Variants in CLEC2A observed in about 807,000 individuals in gnomAD.
CLEC2A encodes keratinocyte-associated C-type lectin.
CLEC2A carries 19 observed loss-of-function variants against 18.6 expected under a neutral mutation model. The ratio of observed to expected loss-of-function variants is 1.02; its 90% CI spans 0.71 to 1.50. The LOEUF is 1.50. CLEC2A is among the 40% of genes most tolerant of loss of function. The pLI is 0.00. For missense variants in CLEC2A, 190 were observed against 207.9 expected (o/e 0.91, Z 0.53); for synonymous variants, 74 against 64.0 (o/e 1.16, Z -0.75).
the CLEC2A span, chr12:9,888,803 T>C: frequency 4.0e-5 from 57 of 1,419,074 alleles, 1 homozygote; most frequent in East Asian, 1.4e-3. Flanking sequence ...TTGTTTGTTA[T>C]GTGCTACTCT....
At chr12:9,922,960 A>T (rs1445649677) in intron 2 of CLEC2A, among the ~76,000 whole-genome samples, 1 of 152,172 alleles carries the variant, frequency 6.6e-6, no homozygotes, top group Non-Finnish European at 1.5e-5. Flanking sequence ...TCAGAAGTGG[A>T]TACAGGCTAC....
At chr12:9,885,877 G>T in the CLEC2A span, among the ~76,000 whole-genome samples, 3 of 151,934 alleles carry the variant, frequency 2.0e-5, no homozygotes, top group Non-Finnish European at 4.4e-5. Context: ...ATCTATCTAA[G>T]TAGGTATTGC....
the CLEC2A span, among the ~76,000 whole-genome samples, chr12:9,884,431 A>G: frequency 2.6e-5 from 4 of 151,682 alleles, no homozygotes; most frequent in African/African-American, 9.7e-5. Flanking sequence ...TGACTGGTAT[A>G]TAATAGAATT....
chr12:9,905,093 CT>C (rs1004261032), intron 4 of CLEC2A, among the ~76,000 whole-genome samples: 33 of 152,326 alleles, frequency 2.2e-4, no homozygotes, highest in African/African-American at 7.2e-4. Context: ...GACGAGGTGA[CT>C]TTCTGCTGGA....
chr12:9,932,283 T>C lies in CLEC2A; in HGVS notation c.47A>G (p.His16Arg). The C allele has an allele frequency of 1.9e-6, 3 of 1,550,872 alleles. No homozygotes were observed. In the South Asian group the frequency reaches 3.6e-5, roughly 18 times the overall value. Residue 16 changes from histidine to arginine, a missense_variant, in exon 1 of 5, where the codon CAT becomes CGT. Physicochemically the swap from His to Arg is conservative, Grantham distance 29 (BLOSUM62 0). Coordinates refer to ENST00000455827, the MANE Select transcript of CLEC2A (RefSeq NM_001130711.2). ...LRDGRADGFIHRIVPKLIQNW... is the reference protein window; with the variant it reads ...LRDGRADGFIRRIVPKLIQNW... ...CACTCTATAAAACTTACCTATCCGA[T>C]GTATGAAGCCATCAGCTCTGCCATC... is the stretch of plus-strand genomic sequence containing the variant.
Position 9,922,297 on chromosome 12 carries a change from G to T in CLEC2A, c.140-65C>A, listed in dbSNP as rs973127890. ...TTAAAAAGTGTTTCTACTCATTCAG[G>T]TGTATTAATTTTACTTTTTGCTTCC... On this transcript the variant is annotated intron_variant, in intron 2 of 4. Transcript: ENST00000455827. The T allele has an allele frequency of 3.0e-5, 40 of 1,351,270 alleles. No individual in the cohort carries two copies. In the East Asian group the frequency reaches 9.8e-4, roughly 33 times the overall value. The allele number at this position is 1,351,270 out of a possible 1,614,324, so 83.7% of individuals were successfully genotyped here. A position where few individuals can be genotyped will look rare whatever the true frequency, so the allele number is the denominator to read the frequency against.
intron 4 of CLEC2A, among the ~76,000 whole-genome samples, chr12:9,915,431 AG>A (rs1252315220): frequency 5.3e-5 from 8 of 152,320 alleles, no homozygotes; most frequent in African/African-American, 1.9e-4. Context: ...TATTTACAAT[AG>A]CAAAAACATG....
the CLEC2A span, among the ~76,000 whole-genome samples, chr12:9,889,210 C>A: frequency 6.6e-6 from 1 of 152,228 alleles, no homozygotes; most frequent in East Asian, 1.9e-4. Flanking sequence ...GTTTTTTAAA[C>A]TTTCAAATGA....
At chr12:9,888,666 TC>T in the CLEC2A span, 1 of 884,212 alleles carries the variant, frequency 1.1e-6, no homozygotes, top group Non-Finnish European at 1.8e-6. Context: ...GGTACTTTAT[TC>T]TCATGTACCT....
At chr12:9,884,618 T>C in the CLEC2A span, among the ~76,000 whole-genome samples, 9 of 148,646 alleles carry the variant, frequency 6.1e-5, no homozygotes, top group Non-Finnish European at 8.9e-5. Flanking sequence ...TTATATAATA[T>C]GTTATAACAA....
intron 2 of CLEC2A, among the ~76,000 whole-genome samples, chr12:9,923,718 C>T (rs1321807248): frequency 6.6e-6 from 1 of 152,118 alleles, no homozygotes; most frequent in African/African-American, 2.4e-5. Context: ...GAAAATGTGG[C>T]ACATATACAC....
chr12:9,907,820 G>A (rs754515865), intron 4 of CLEC2A, among the ~76,000 whole-genome samples: 7 of 152,166 alleles, frequency 4.6e-5, no homozygotes, highest in Non-Finnish European at 7.3e-5. Flanking sequence ...CTTCCCATTC[G>A]AAAGCAAATA....
At chr12:9,894,416 C>T (rs1591780284), downstream of CLEC2A, among the ~76,000 whole-genome samples, 4 of 152,136 alleles carry the variant, frequency 2.6e-5, no homozygotes, top group East Asian at 7.7e-4. Context: ...CTCCTGAGCT[C>T]AAACTATCAC....
At chr12:9,909,909 G>T (rs1475082221), downstream of CLEC2A, among the ~76,000 whole-genome samples, 1 of 152,050 alleles carries the variant, frequency 6.6e-6, no homozygotes, top group Non-Finnish European at 1.5e-5. Flanking sequence ...TGGTCTAGGG[G>T]ATCCCATGTG....
chr12:9,908,974 C>T (rs542970844), downstream of CLEC2A, among the ~76,000 whole-genome samples: 44 of 152,168 alleles, frequency 2.9e-4, no homozygotes, highest in Non-Finnish European at 5.7e-4. Context: ...CGTATCTTCT[C>T]ACATATACCT....
At chr12:9,895,218 C>T (rs1194537554), downstream of CLEC2A, among the ~76,000 whole-genome samples, 2 of 152,152 alleles carry the variant, frequency 1.3e-5, no homozygotes, top group African/African-American at 2.4e-5. Flanking sequence ...CTATTGAAAA[C>T]GTTCATTTTG....
At chr12:9,924,766 A>T (rs7135016) in intron 2 of CLEC2A, among the ~76,000 whole-genome samples, 69 of 152,310 alleles carry the variant, frequency 4.5e-4, no homozygotes, top group African/African-American at 1.6e-3. Flanking sequence ...AGTTCAGAAC[A>T]TGATGCCCCG....
chr12:9,902,768 G>A (rs769886068), intron 4 of CLEC2A, among the ~76,000 whole-genome samples: 16 of 152,134 alleles, frequency 1.1e-4, no homozygotes, highest in East Asian at 1.9e-4. Context: ...AGCCACCATC[G>A]CAAGAGCACA....
chr12:9,911,256 G>T (rs1168962215), downstream of CLEC2A, among the ~76,000 whole-genome samples: 1 of 152,288 alleles, frequency 6.6e-6, no homozygotes, highest in African/African-American at 2.4e-5. Context: ...AATGTAGAGT[G>T]AGGCTGACAT....
Sources: gnomAD v4.1 joint callset for allele counts (sites outside exome capture counted in the v4.1 genomes callset) on GRCh38, gnomAD v4.1.1 for gene constraint, MANE v1.5 for transcripts, NCBI Gene and HGNC (gene_info 2026-07-23, HGNC 2026-07-21) for gene names.